Variants in PRR5 observed in about 807,000 individuals in gnomAD.
The protein encoded by PRR5 is proline-rich protein 5.
In PRR5, 25 loss-of-function variants were observed where a neutral mutation model predicts 30.6. The observed-to-expected ratio is 0.82, with a 90% confidence interval of 0.60 to 1.14. PRR5 has a LOEUF of 1.14. Ranked by LOEUF, PRR5 falls within the 50% of genes most tolerant of loss-of-function variation. The pLI is 0.00. For missense variants in PRR5, 600 were observed against 547.1 expected (o/e 1.10, Z -0.96); for synonymous variants, 286 against 247.1 (o/e 1.16, Z -1.48).
intron 3 of PRR5, 71 bp from the exon 4 acceptor site, chr22:44,726,506 G>C: frequency 6.2e-7 from 1 of 1,609,236 alleles, no homozygotes. Context: ...TGGACTCTCG[G>C]GGGCCCTGCT....
upstream of PRR5, among the ~76,000 whole-genome samples, chr22:44,676,644 G>A (rs1223436348): frequency 6.6e-6 from 1 of 152,062 alleles, no homozygotes; most frequent in Non-Finnish European, 1.5e-5. Context: ...CTGTCCAAGG[G>A]GCATAGCAGT....
At chr22:44,689,541 T>C (rs1477468276) in intron 1 of PRR5, among the ~76,000 whole-genome samples, 1 of 152,160 alleles carries the variant, frequency 6.6e-6, no homozygotes, top group East Asian at 1.9e-4. Flanking sequence ...AGGACTGAGC[T>C]CCGTGTAGGC....
chr22:44,710,381 G>A (rs1928000399), intron 1 of PRR5, among the ~76,000 whole-genome samples: 1 of 152,168 alleles, frequency 6.6e-6, no homozygotes, highest in Non-Finnish European at 1.5e-5. Flanking sequence ...GCCCTGGGAG[G>A]GCACTGCCTG....
intron 1 of PRR5, chr22:44,679,983 C>A: frequency 1.8e-6 from 2 of 1,139,614 alleles, no homozygotes; most frequent in South Asian, 1.5e-5. Flanking sequence ...AGTAGGACGG[C>A]GAGAGACCCA....
At chr22:44,720,019 G>T (rs1207891492) in intron 2 of PRR5, among the ~76,000 whole-genome samples, 2 of 152,156 alleles carry the variant, frequency 1.3e-5, no homozygotes, top group Admixed American at 6.5e-5. Flanking sequence ...ATTTGCTGCA[G>T]CTTCGTCCCC....
chr22:44,699,934 GTT>G (rs11309122), upstream of PRR5, among the ~76,000 whole-genome samples: 18 of 148,910 alleles, frequency 1.2e-4, no homozygotes, highest in African/African-American at 2.7e-4. Context: ...TGTTGTTTTT[GTT>G]TTTTTTTTTA....
intron 4 of PRR5, among the ~76,000 whole-genome samples, chr22:44,728,667 C>T (rs572282587): frequency 6.6e-6 from 1 of 152,356 alleles, no homozygotes; most frequent in African/African-American, 2.4e-5. Flanking sequence ...CCTCCACATC[C>T]TGATGGGCGG....
chr22:44,732,107 G>A (rs1268450643), intron 5 of PRR5, 144 bp from the exon 6 acceptor site: 4 of 1,329,864 alleles, frequency 3.0e-6, no homozygotes, highest in Non-Finnish European at 4.1e-6. Context: ...CTCTATCCTT[G>A]GGACGGGGTC....
rs1237771198 is a variant in PRR5 at position 44,693,749 on chromosome 22, T to C, written c.-10-8743T>C. Reference sequence around the variant, plus strand: ...TTCACGCCATTCTCCTGCCTCAGCCTCCTACAAGTAGCTGGGACTACAGGC... The same window carrying C: ...TTCACGCCATTCTCCTGCCTCAGCCCCCTACAAGTAGCTGGGACTACAGGC... On this transcript the variant is annotated intron_variant, in intron 1 of 8. Coordinates refer to the PRR5 transcript ENST00000006251. Among the ~76,000 whole-genome samples the C allele has an allele frequency of 2.1e-5, 3 of 144,648 alleles. No individual in the cohort carries two copies. The Admixed American group carries it at 2.1e-4, about 10-fold the overall frequency. The allele number at this position is 144,648 out of a possible 152,430, so 94.9% of individuals were successfully genotyped here.
chr22:44,698,057 T>A (rs1266490490), upstream of PRR5, among the ~76,000 whole-genome samples: 1 of 152,152 alleles, frequency 6.6e-6, no homozygotes, highest in Non-Finnish European at 1.5e-5. Context: ...ACTGGTCTGT[T>A]CCTGTCCCCT....
rs74621108 is a variant in PRR5, at chr22:44,682,059, C to T, written c.-11+4819C>T. ...CCACGCGGCCATGGACCTGCCTCACCACTGGCCCACTGAGTTACAAGGGGC... is the reference window on the plus strand; with the variant it reads ...CCACGCGGCCATGGACCTGCCTCACTACTGGCCCACTGAGTTACAAGGGGC... On this transcript the variant is annotated intron_variant, in intron 1 of 8. Transcript: ENST00000006251. Among the ~76,000 whole-genome samples the T allele has an allele frequency of 7.4e-3, 1,134 of 152,314 alleles. 8 individuals carry two copies. The highest frequency in any genetic ancestry group is 0.027 in the Middle Eastern group (8 of 294).
chr22:44,678,127 GA>G (rs1923927406), intron 1 of PRR5, among the ~76,000 whole-genome samples: 1 of 152,150 alleles, frequency 6.6e-6, no homozygotes, highest in Non-Finnish European at 1.5e-5. Context: ...CTCTTGATGG[GA>G]ACCCTGTGGA....
intron 1 of PRR5, among the ~76,000 whole-genome samples, chr22:44,671,832 C>T (rs1050633382): frequency 2.2e-4 from 34 of 152,164 alleles, no homozygotes; most frequent in Admixed American, 5.2e-4. Flanking sequence ...TGATTCCTGC[C>T]GCACTCTAGG....
intron 1 of PRR5, among the ~76,000 whole-genome samples, chr22:44,685,193 G>A (rs2146954060): frequency 6.6e-6 from 1 of 152,280 alleles, no homozygotes; most frequent in East Asian, 1.9e-4. Context: ...CGCAGTGCCA[G>A]CACCCAGTAG....
intron 1 of PRR5, chr22:44,679,886 G>T: frequency 6.4e-7 from 1 of 1,574,050 alleles, no homozygotes; most frequent in African/African-American, 1.3e-5. Flanking sequence ...GCTTGTACAG[G>T]TGCCACTGTG....
intron 4 of PRR5, chr22:44,729,224 T>G: frequency 1.2e-6 from 1 of 852,364 alleles, no homozygotes; most frequent in Non-Finnish European, 1.4e-6. Flanking sequence ...CTTGACCTGG[T>G]CCACCCAGCG....
At chr22:44,714,446 C>T (rs1274445605) in intron 1 of PRR5, 145 bp from the exon 2 acceptor site, 19 of 1,157,868 alleles carry the variant, frequency 1.6e-5, no homozygotes, top group South Asian at 5.9e-5. Context: ...TGCAGGGCCT[C>T]GGAGTTGAAG....
intron 4 of PRR5, chr22:44,729,409 A>G (rs1921493771): frequency 1.0e-6 from 1 of 984,878 alleles, no homozygotes; most frequent in South Asian, 4.7e-5. Flanking sequence ...GCCAGCACGG[A>G]GCCAAGGCTA....
chr22:44,705,100 T>C lies in PRR5; in HGVS notation c.134+2492T>C, dbSNP rs538470417. On this transcript the variant is annotated intron_variant, in intron 1 of 7. Transcript: ENST00000336985. ...GACTGTATTAGCTTCCCAGAGCTGC[T>C]GTAACAAAGACCACAAACTCGGTGG... Among the ~76,000 whole-genome samples the C allele has an allele frequency of 5.3e-5, 8 of 152,290 alleles. No individual in the cohort carries two copies. In the South Asian group the frequency reaches 1.7e-3, roughly 32 times the overall value.
Sources: allele counts gnomAD v4.1 joint callset (sites outside exome capture counted in the v4.1 genomes callset), GRCh38; gene constraint gnomAD v4.1.1; transcripts MANE v1.5; gene names NCBI Gene and HGNC (gene_info 2026-07-23, HGNC 2026-07-21).